Variants in DENND1B observed in about 807,000 individuals in gnomAD.
DENND1B encodes the protein DENN domain containing 1B.
DENND1B carries 59 observed loss-of-function variants against 90.1 expected under a neutral mutation model. The ratio of observed to expected loss-of-function variants is 0.65; its 90% CI spans 0.53 to 0.81. The LOEUF is 0.81. Ranked by LOEUF, DENND1B falls within the 40% of genes least tolerant of loss-of-function variation. DENND1B has a pLI of 0.00. For synonymous variants in DENND1B, 337 were observed against 324.6 expected, an observed-to-expected ratio of 1.04 and a Z score of -0.41; for missense variants, 862 against 912.6, an observed-to-expected ratio of 0.94 and a Z score of 0.71.
At chr1:197,738,848 G>A (rs757357189) in intron 2 of DENND1B, among the ~76,000 whole-genome samples, 5 of 152,210 alleles carry the variant, frequency 3.3e-5, no homozygotes, top group Non-Finnish European at 7.3e-5. Context: ...AACAAGGTAA[G>A]CCTTACAATT....
At chr1:197,527,607 T>A (rs1372161272) in intron 20 of DENND1B, among the ~76,000 whole-genome samples, 1 of 152,114 alleles carries the variant, frequency 6.6e-6, no homozygotes, top group Non-Finnish European at 1.5e-5. Flanking sequence ...TACAATATTT[T>A]CTTATTACTT....
chr1:197,668,237 TG>T (rs1655138298), intron 5 of DENND1B, among the ~76,000 whole-genome samples: 1 of 152,090 alleles, frequency 6.6e-6, no homozygotes. Flanking sequence ...CAAAAACTGT[TG>T]CTGCATTATT....
intron 2 of DENND1B, among the ~76,000 whole-genome samples, chr1:197,751,324 T>C (rs1030029183): frequency 2.0e-5 from 3 of 152,164 alleles, no homozygotes; most frequent in Non-Finnish European, 2.9e-5. Context: ...CATTTCTAAA[T>C]AACCCACGGA....
At chr1:197,751,273 T>C (rs1653469894) in intron 2 of DENND1B, among the ~76,000 whole-genome samples, 1 of 152,086 alleles carries the variant, frequency 6.6e-6, no homozygotes, top group Non-Finnish European at 1.5e-5. Flanking sequence ...CTAATAAAAA[T>C]ATATCACAAA....
chr1:197,521,804 C>G (rs1362957234), intron 20 of DENND1B, among the ~76,000 whole-genome samples: 2 of 151,982 alleles, frequency 1.3e-5, no homozygotes, highest in African/African-American at 4.8e-5. Context: ...AATGTGTTAG[C>G]TACTTTATGT....
chr1:197,643,827 CCTTT>C lies in DENND1B; in HGVS notation c.562-1010_562-1007del, dbSNP rs553755930. Among the ~76,000 whole-genome samples, 28 of 152,288 alleles carry C rather than the reference CCTTT, an allele frequency of 1.8e-4. No individual in the cohort carries two copies. In the East Asian group the frequency reaches 5.4e-3, roughly 29 times the overall value. On this transcript the variant is annotated intron_variant, in intron 9 of 22. Coordinates refer to ENST00000620048, the MANE Select transcript of DENND1B (RefSeq NM_001195215.2). ...ATTAACTTTGACTTTTAGATCTTCT[CCTTT>C]CTTATTATTTATTTTTAATTTTCTA... is the stretch of plus-strand genomic sequence containing the variant.
intron 5 of DENND1B, 81 bp downstream of exon 5, chr1:197,671,956 T>C (rs1655549866): frequency 3.0e-6 from 4 of 1,345,860 alleles, no homozygotes; most frequent in South Asian, 3.9e-5. Context: ...AACAAGTTTT[T>C]CTTCATCCCA....
intron 5 of DENND1B, among the ~76,000 whole-genome samples, chr1:197,665,219 T>C (rs1469071721): frequency 6.6e-6 from 1 of 152,246 alleles, no homozygotes; most frequent in East Asian, 1.9e-4. Context: ...CAAAGAAATG[T>C]ACTAACTTTC....
chr1:197,600,606 C>A (rs966233723), intron 13 of DENND1B, among the ~76,000 whole-genome samples: 16 of 151,754 alleles, frequency 1.1e-4, no homozygotes, highest in Non-Finnish European at 1.8e-4. Flanking sequence ...AAATACATTT[C>A]TATTTTGATC....
At chr1:197,770,811 AAT>A (rs557649792) in intron 2 of DENND1B, among the ~76,000 whole-genome samples, 1,411 of 139,318 alleles carry the variant, frequency 0.01, 30 homozygotes, top group African/African-American at 0.035. Context: ...TATATATATA[AAT>A]ATATATGTAA....
intron 16 of DENND1B, among the ~76,000 whole-genome samples, chr1:197,550,728 G>A (rs1359423692): frequency 6.6e-6 from 1 of 151,572 alleles, no homozygotes; most frequent in African/African-American, 2.4e-5. Context: ...CGAGTTACTG[G>A]GTGCAGCACA....
the DENND1B span, among the ~76,000 whole-genome samples, chr1:197,782,099 G>A: frequency 2.6e-5 from 4 of 152,312 alleles, no homozygotes; most frequent in African/African-American, 9.6e-5. Context: ...TTGAAGCAGA[G>A]TGTCACCAAC....
chr1:197,639,429 T>C (rs1194535585), intron 10 of DENND1B, among the ~76,000 whole-genome samples: 2 of 152,182 alleles, frequency 1.3e-5, no homozygotes, highest in Non-Finnish European at 2.9e-5. Context: ...GCTGATTCTC[T>C]AATGAGAGTG....
At chr1:197,528,347 T>C (rs552098105) in intron 20 of DENND1B, among the ~76,000 whole-genome samples, 7 of 152,206 alleles carry the variant, frequency 4.6e-5, no homozygotes, top group Non-Finnish European at 1.0e-4. Flanking sequence ...CATAAAAGTA[T>C]ATATGACTTC....
chr1:197,773,614 G>T (rs1057085772), intron 1 of DENND1B, among the ~76,000 whole-genome samples: 1 of 152,174 alleles, frequency 6.6e-6, no homozygotes, highest in Admixed American at 6.5e-5. Context: ...CCAGCCATCT[G>T]CTTCCATGTT....
At chr1:197,696,803 C>T (rs576010456) in intron 3 of DENND1B, among the ~76,000 whole-genome samples, 3 of 151,138 alleles carry the variant, frequency 2.0e-5, no homozygotes, top group African/African-American at 7.3e-5. Context: ...GTTCCAGCCA[C>T]TCTACTAGAT....
At chr1:197,595,182 A>G in intron 14 of DENND1B, 26 bp downstream of exon 14, 2 of 1,590,240 alleles carry the variant, frequency 1.3e-6, no homozygotes, top group Non-Finnish European at 1.7e-6. Context: ...AAGCAAATTA[A>G]AACAGTGATG....
At chr1:197,529,197 AAG>A (rs1285339377) in intron 20 of DENND1B, among the ~76,000 whole-genome samples, 1 of 106,288 alleles carries the variant, frequency 9.4e-6, no homozygotes, top group African/African-American at 3.4e-5. Context: ...TGAAATAGTT[AAG>A]AGTGATATAT....
intron 3 of DENND1B, among the ~76,000 whole-genome samples, chr1:197,702,670 T>C (rs1659152474): frequency 6.6e-6 from 1 of 152,200 alleles, no homozygotes; most frequent in South Asian, 2.1e-4. Context: ...GCAATTGAGT[T>C]ATGTTAACAA....
Sources: gnomAD v4.1 joint callset for allele counts (sites outside exome capture counted in the v4.1 genomes callset) on GRCh38, gnomAD v4.1.1 for gene constraint, MANE v1.5 for transcripts, NCBI Gene and HGNC (gene_info 2026-07-23, HGNC 2026-07-21) for gene names.